Variants in GFRA1 observed in about 807,000 individuals in gnomAD.
GFRA1 encodes the protein GDNF family receptor alpha 1, also known as GDNF family receptor alpha-1.
Under a neutral mutation model 51.6 loss-of-function variants are expected in GFRA1, and 16 were observed. That is an observed-to-expected ratio of 0.31 (90% CI 0.21 to 0.47). GFRA1 has a LOEUF of 0.47. Among genes scored for constraint, GFRA1 ranks in the 20% least tolerant of loss-of-function variants. The pLI is 1.00. For missense variants in GFRA1, 530 were observed against 594.3 expected (o/e 0.89, Z 1.13); for synonymous variants, 270 against 241.3 (o/e 1.12, Z -1.10).
intron 4 of GFRA1, among the ~76,000 whole-genome samples, chr10:116,251,662 T>C (rs1054052758): frequency 6.6e-6 from 1 of 152,184 alleles, no homozygotes; most frequent in African/African-American, 2.4e-5. Flanking sequence ...CCAGTAGAGT[T>C]CCTTTACTCC....
chr10:116,089,769 T>C lies in GFRA1; in HGVS notation c.1169A>G (p.His390Arg). Residue 390 changes from histidine (H) to arginine (R), a missense_variant, in exon 9 of 11, where the codon CAT (histidine) becomes CGT (arginine). Coordinates refer to ENST00000355422, the MANE Select transcript of GFRA1 (RefSeq NM_005264.8). ...TAAATTTGCACACGGTGGCAAAACA[T>C]GAGTGGGAATTTCATTCTCAGACCC... ...PAGSENEIPT[H>R]VLPPCANLQA... The C allele has an allele frequency of 6.2e-7, 1 of 1,614,054 alleles. No homozygotes were observed. The highest frequency in any genetic ancestry group is 8.5e-7 in the Non-Finnish European group (1 of 1,179,986).
chr10:116,165,247 C>A (rs1489913314), intron 5 of GFRA1, among the ~76,000 whole-genome samples: 1 of 152,164 alleles, frequency 6.6e-6, no homozygotes, highest in Non-Finnish European at 1.5e-5. Flanking sequence ...ATAGCAGACA[C>A]ATGGAGATGG....
At position 116,057,351 on chromosome 10, in the gene GFRA1, C is replaced by G. The variant is rs1402195775; in HGVS notation, c.*7047G>C. The G allele has an allele frequency of 1.3e-5, 2 of 152,182 alleles. No homozygotes were observed. Among genetic ancestry groups the G allele is most frequent in the Non-Finnish European group, 2.9e-5 (2 of 68,046 alleles). The allele number at this position is 152,182 out of a possible 1,614,324, so 9.4% of individuals were successfully genotyped here. ...CCCCTGTTCCGAGGAGACTGGGTGT[C>G]TGAACCCCTCACTCAGGAATGAATT... On this transcript the variant is annotated 3_prime_UTR_variant, in exon 11 of 11. Transcript: ENST00000355422.
chr10:116,161,464 G>A (rs1050299578), intron 5 of GFRA1, among the ~76,000 whole-genome samples: 5 of 152,146 alleles, frequency 3.3e-5, no homozygotes, highest in South Asian at 2.1e-4. Flanking sequence ...GGAAGTTGAC[G>A]CCAACTTTGG....
chr10:116,257,304 C>T (rs1968942947), intron 4 of GFRA1, among the ~76,000 whole-genome samples: 1 of 151,164 alleles, frequency 6.6e-6, no homozygotes, highest in African/African-American at 2.4e-5. Flanking sequence ...CCCGCCCCCA[C>T]CACACCTTCC....
chr10:116,169,908 C>T (rs1007808752), intron 5 of GFRA1, among the ~76,000 whole-genome samples: 7 of 152,184 alleles, frequency 4.6e-5, no homozygotes, highest in East Asian at 1.9e-4. Context: ...AACACACACC[C>T]TCTGGGGCTC....
intron 5 of GFRA1, among the ~76,000 whole-genome samples, chr10:116,141,332 C>A (rs1958555307): frequency 6.6e-6 from 1 of 152,148 alleles, no homozygotes; most frequent in Non-Finnish European, 1.5e-5. Flanking sequence ...CACTTTCTGA[C>A]AAAGTAACTC....
At position 116,133,742 on chromosome 10, in the gene GFRA1, C is replaced by T. The variant is rs550572544; in HGVS notation, c.434-8185G>A. On this transcript the variant is annotated intron_variant, in intron 5 of 10. Transcript: ENST00000355422. ...GAGGCGCTGGCCTCTCCGCGGTCTG[C>T]GGCTCCAAAGGAGTACATGGACCAA... Among the ~76,000 whole-genome samples the T allele has an allele frequency of 1.8e-4, 27 of 152,342 alleles. No individual in the cohort carries two copies. The South Asian group carries it at 4.4e-3, about 25-fold the overall frequency.
intron 9 of GFRA1, among the ~76,000 whole-genome samples, chr10:116,084,936 TAAG>T (rs1956028112): frequency 8.7e-6 from 1 of 115,576 alleles, no homozygotes; most frequent in South Asian, 2.9e-4. Context: ...TTCATATAAG[TAAG>T]TCGAAGGAAT....
intron 5 of GFRA1, among the ~76,000 whole-genome samples, chr10:116,128,257 T>C (rs1186978878): frequency 3.9e-5 from 6 of 152,232 alleles, no homozygotes; most frequent in African/African-American, 1.4e-4. Context: ...TCTGTTTGTA[T>C]TTATGTGTGT....
At chr10:116,192,717 G>A (rs1265163665) in intron 5 of GFRA1, among the ~76,000 whole-genome samples, 1 of 152,094 alleles carries the variant, frequency 6.6e-6, no homozygotes, top group East Asian at 1.9e-4. Context: ...GAAAAGCAAA[G>A]ACAATTCCAT....
intron 8 of GFRA1, among the ~76,000 whole-genome samples, chr10:116,091,035 G>A (rs1323035742): frequency 6.6e-6 from 1 of 152,140 alleles, no homozygotes; most frequent in African/African-American, 2.4e-5. Context: ...TGAGTGTGAG[G>A]CAGAGAAAGA....
At chr10:116,240,829 T>C (rs973080209) in intron 4 of GFRA1, among the ~76,000 whole-genome samples, 6 of 152,180 alleles carry the variant, frequency 3.9e-5, no homozygotes, top group African/African-American at 1.2e-4. Flanking sequence ...GAATAGCAGC[T>C]AACACACAGG....
intron 4 of GFRA1, among the ~76,000 whole-genome samples, chr10:116,212,497 GCAA>G (rs903557312): frequency 6.7e-6 from 1 of 149,654 alleles, no homozygotes; most frequent in African/African-American, 2.5e-5. Flanking sequence ...TCCAGCCTGG[GCAA>G]CAAGAGCAAA....
chr10:116,199,790 A>T, intron 5 of GFRA1, among the ~76,000 whole-genome samples: 1 of 152,204 alleles, frequency 6.6e-6, no homozygotes, highest in Non-Finnish European at 1.5e-5. Flanking sequence ...GAGTTTTGAC[A>T]AATGTATACA....
At chr10:116,131,007 T>C (rs577774149) in intron 5 of GFRA1, among the ~76,000 whole-genome samples, 44 of 152,206 alleles carry the variant, frequency 2.9e-4, no homozygotes, top group African/African-American at 1.0e-3. Flanking sequence ...GGAGAAAATA[T>C]TCACAAAACA....
chr10:116,174,521 A>G (rs1350226388), intron 5 of GFRA1, among the ~76,000 whole-genome samples: 1 of 152,194 alleles, frequency 6.6e-6, no homozygotes, highest in East Asian at 1.9e-4. Context: ...TTTCTTTATA[A>G]AACTCCATAA....
In GFRA1 at chr10:116,146,098, ATG is replaced by A. The variant is rs1352397087; in HGVS notation, c.434-20543_434-20542del. Among the ~76,000 whole-genome samples the A allele has an allele frequency of 1.3e-4, 20 of 152,108 alleles. No homozygotes were observed. In the East Asian group the frequency reaches 3.7e-3, roughly 28 times the overall value. Reference sequence around the variant, plus strand: ...CACATATTTATATATTTATACACATATGTGAGTATATATGATAATTTTATCTT... The same window carrying A: ...CACATATTTATATATTTATACACATATGAGTATATATGATAATTTTATCTT... On this transcript the variant is annotated intron_variant, in intron 5 of 10. Coordinates refer to ENST00000355422, the MANE Select transcript of GFRA1 (RefSeq NM_005264.8).
At chr10:116,234,128 G>A (rs1332020298) in intron 4 of GFRA1, among the ~76,000 whole-genome samples, 2 of 152,208 alleles carry the variant, frequency 1.3e-5, no homozygotes, top group African/African-American at 4.8e-5. Flanking sequence ...ACAGAGCTCA[G>A]CTACTCAACT....
Sources: allele counts gnomAD v4.1 joint callset (sites outside exome capture counted in the v4.1 genomes callset), GRCh38; gene constraint gnomAD v4.1.1; transcripts MANE v1.5; gene names NCBI Gene and HGNC (gene_info 2026-07-23, HGNC 2026-07-21).